The following EFCAB7 variants were observed in gnomAD, a reference collection of about 807,000 sequenced individuals.
The protein encoded by EFCAB7 is EF-hand calcium binding domain 7, also known as EF-hand calcium-binding domain-containing protein 7.
In EFCAB7, 66 loss-of-function variants were observed where a neutral mutation model predicts 77.1. The observed-to-expected ratio is 0.86, with a 90% CI of 0.70 to 1.05. EFCAB7 has a LOEUF of 1.05. Among genes scored for constraint, EFCAB7 ranks in the 50% least tolerant of loss-of-function variants. The pLI, the probability that EFCAB7 is intolerant of heterozygous loss-of-function variation, is 0.00. For missense variants in EFCAB7, 638 were observed against 730.5 expected, an observed-to-expected ratio of 0.87 and a Z score of 1.46; for synonymous variants, 225 against 243.3, an observed-to-expected ratio of 0.92 and a Z score of 0.70.
At chr1:63,560,029 C>T (rs1647076682) in intron 10 of EFCAB7, among the ~76,000 whole-genome samples, 1 of 151,852 alleles carries the variant, frequency 6.6e-6, no homozygotes, top group African/African-American at 2.4e-5. Flanking sequence ...GATCTTGGCT[C>T]ACTGCAAGCT....
At chr1:63,565,421 G>A (rs539608510) in intron 11 of EFCAB7, among the ~76,000 whole-genome samples, 1 of 151,660 alleles carries the variant, frequency 6.6e-6, no homozygotes, top group East Asian at 1.9e-4. Flanking sequence ...AAACCCAAAA[G>A]TGTAAAAACT....
intron 11 of EFCAB7, 131 bp from the exon 12 acceptor site, chr1:63,568,179 A>G (rs954613305): frequency 1.4e-6 from 1 of 738,402 alleles, no homozygotes; most frequent in Non-Finnish European, 2.1e-6. Context: ...TCATAGTACT[A>G]AAATTTTCCT....
chr1:63,582,891 C>T, the EFCAB7 span, among the ~76,000 whole-genome samples: 1 of 152,144 alleles, frequency 6.6e-6, no homozygotes, highest in African/African-American at 2.4e-5. Context: ...AGGCGTGAGC[C>T]ACCGCACCCA....
At chr1:63,572,814 TA>T (rs1443179484), downstream of EFCAB7, 5 of 369,946 alleles carry the variant, frequency 1.4e-5, no homozygotes, top group African/African-American at 6.6e-5. Flanking sequence ...CAAAGGGAGA[TA>T]GGGGTGGGGC....
Position 63,555,425 on chromosome 1 carries a change from G to A in EFCAB7, c.1124G>A (p.Arg375Lys), listed in dbSNP as rs2273367. Residue 375 changes from arginine (R) to lysine (K), a missense_variant, in exon 9 of 14, where the codon AGG becomes AAG. Arg to Lys is a conservative substitution (Grantham distance 26, BLOSUM62 2). Transcript: ENST00000371088. ...YWLIPSTTGC[R>K]LRKKIKPVTD... ...TTAATTCCTTCCACAACTGGCTGTA[G>A]GCTGAGGAAAAAAATAAAACCAGTA... The A allele has an allele frequency of 0.15, 243,217 of 1,613,020 alleles. 19,181 individuals are homozygous for A. Among genetic ancestry groups the A allele is most frequent in the Middle Eastern group, 0.25 (1,486 of 6,052 alleles).
chr1:63,552,082 T>C (rs1198766356), intron 8 of EFCAB7, among the ~76,000 whole-genome samples: 4 of 152,072 alleles, frequency 2.6e-5, no homozygotes, highest in African/African-American at 7.2e-5. Flanking sequence ...GAGCTGGGCA[T>C]GGTGGCATGC....
At chr1:63,548,464 G>C (rs981188077) in intron 7 of EFCAB7, 1 of 152,080 alleles carries the variant, frequency 6.6e-6, no homozygotes, top group Non-Finnish European at 1.5e-5. Flanking sequence ...TGTTGCCTGG[G>C]TTTTTTTGTT....
Position 63,551,767 on chromosome 1 carries a change from T to G in EFCAB7, c.989T>G (p.Ile330Ser). Residue 330 changes from isoleucine to serine, a missense_variant, in exon 8 of 14, where the codon ATT (isoleucine) becomes AGT (serine). By Grantham distance (142) the Ile-to-Ser change is moderately radical. Transcript: ENST00000371088. ...TTATCCGTTGATACTGCCTTGTATA[T>G]TCTCAAGGAAAATGAGAGTCAAGCA... is the stretch of plus-strand genomic sequence containing the variant. The part of the protein sequence containing the change: ...PWLSVDTALY[I>S]LKENESQANL... 2 of 1,590,576 alleles carry G rather than the reference T, an allele frequency of 1.3e-6. No homozygotes were observed. The highest frequency in any genetic ancestry group is 1.7e-6 in the Non-Finnish European group (2 of 1,168,006).
At chr1:63,551,633 C>A in intron 7 of EFCAB7, 92 bp from the exon 8 acceptor site, 4 of 499,280 alleles carry the variant, frequency 8.0e-6, no homozygotes, top group Non-Finnish European at 9.5e-6. Context: ...AGAAAATATC[C>A]AAGAAGAAAC....
chr1:63,579,092 G>A, the EFCAB7 span, among the ~76,000 whole-genome samples: 9 of 151,856 alleles, frequency 5.9e-5, no homozygotes, highest in African/African-American at 2.2e-4. Flanking sequence ...GGGTTGGGGG[G>A]AAGCTTTCAC....
intron 6 of EFCAB7, among the ~76,000 whole-genome samples, chr1:63,541,724 G>A (rs575327339): frequency 6.6e-6 from 1 of 151,866 alleles, no homozygotes; most frequent in African/African-American, 2.4e-5. Context: ...CACAACACCC[G>A]GCTAATTTTT....
the EFCAB7 span, among the ~76,000 whole-genome samples, chr1:63,582,645 C>T: frequency 6.6e-6 from 1 of 152,126 alleles, no homozygotes; most frequent in Non-Finnish European, 1.5e-5. Context: ...TCTCGCTCTG[C>T]CTCCCAGGCT....
At chr1:63,575,807 A>G (rs1175031973), downstream of EFCAB7, among the ~76,000 whole-genome samples, 1 of 151,860 alleles carries the variant, frequency 6.6e-6, no homozygotes, top group Non-Finnish European at 1.5e-5. Context: ...AGGCTGCTCT[A>G]AAATTCCTGG....
intron 1 of EFCAB7, among the ~76,000 whole-genome samples, chr1:63,524,316 G>A (rs1646538868): frequency 1.3e-5 from 2 of 152,196 alleles, no homozygotes; most frequent in Admixed American, 6.5e-5. Context: ...CTTAATTATA[G>A]TATTACCAAT....
At chr1:63,555,555 A>T in intron 9 of EFCAB7, 40 bp downstream of exon 9, 3 of 1,558,572 alleles carry the variant, frequency 1.9e-6, no homozygotes, top group Non-Finnish European at 2.6e-6. Context: ...TAACATCTAG[A>T]CTGGATAGAT....
intron 6 of EFCAB7, among the ~76,000 whole-genome samples, chr1:63,539,968 C>G (rs774661431): frequency 1.3e-5 from 2 of 152,104 alleles, no homozygotes; most frequent in Non-Finnish European, 2.9e-5. Context: ...GCAATTGGGT[C>G]TGAGGTAATG....
chr1:63,542,355 C>T (rs1646838956), intron 6 of EFCAB7, among the ~76,000 whole-genome samples: 1 of 152,184 alleles, frequency 6.6e-6, no homozygotes, highest in Admixed American at 6.5e-5. Flanking sequence ...ATTTTTCTGT[C>T]AATTGACATT....
chr1:63,565,680 GA>G (rs1647162500), intron 11 of EFCAB7, among the ~76,000 whole-genome samples: 1 of 106,664 alleles, frequency 9.4e-6, no homozygotes, highest in African/African-American at 5.1e-5. Flanking sequence ...AAATTTACAA[GA>G]AAAAAATTCC....
Position 63,572,424 on chromosome 1 carries a change from T to C in EFCAB7, c.1816-18T>C. The C allele has an allele frequency of 6.4e-7, 1 of 1,567,154 alleles. No homozygotes were observed. The highest frequency in any genetic ancestry group is 1.2e-5 in the South Asian group (1 of 82,686). On this transcript the variant is annotated intron_variant, in intron 13 of 13. Transcript: ENST00000371088. Reference sequence around the variant, plus strand: ...AATATATAAAAAGAGAGTAAAAGCTTTCTATTTTTATGTGCAGGTTTGTCA... The same window carrying C: ...AATATATAAAAAGAGAGTAAAAGCTCTCTATTTTTATGTGCAGGTTTGTCA...
Sources: gnomAD v4.1 joint callset for allele counts (sites outside exome capture counted in the v4.1 genomes callset) on GRCh38, gnomAD v4.1.1 for gene constraint, MANE v1.5 for transcripts, NCBI Gene and HGNC (gene_info 2026-07-23, HGNC 2026-07-21) for gene names.